The following AP3S2 variants were observed in gnomAD, a reference collection of about 807,000 sequenced individuals.
The protein encoded by AP3S2 is adaptor related protein complex 3 subunit sigma 2.
Under a neutral mutation model 23.4 loss-of-function variants are expected in AP3S2, and 22 were observed. The observed-to-expected ratio is 0.94, with a 90% confidence interval of 0.67 to 1.34. AP3S2 has a LOEUF of 1.34. AP3S2 is among the 40% of genes most tolerant of loss of function. AP3S2 has a pLI of 0.00. For synonymous variants in AP3S2, 86 were observed against 87.1 expected, an observed-to-expected ratio of 0.99 and a Z score of 0.07; for missense variants, 241 against 236.9, an observed-to-expected ratio of 1.02 and a Z score of -0.11.
rs547004075 is a variant in AP3S2 at position 89,869,840 on chromosome 15, G to A, written c.345+1635C>T. Among the ~76,000 whole-genome samples the A allele has an allele frequency of 1.2e-4, 18 of 151,598 alleles. No individual in the cohort carries two copies. The East Asian group carries it at 2.9e-3, about 24-fold the overall frequency. On this transcript the variant is annotated intron_variant, in intron 4 of 5. Transcript: ENST00000336418. ...GCGACCTCGGCTCACTGCAACCTCC[G>A]CCTCCCGGGTTCAAGCGATTCTCCT... is the stretch of plus-strand genomic sequence containing the variant.
At chr15:89,856,890 AAAG>A (rs1895853557) in intron 4 of AP3S2, among the ~76,000 whole-genome samples, 1 of 150,102 alleles carries the variant, frequency 6.7e-6, no homozygotes, top group Admixed American at 6.6e-5. Flanking sequence ...AAAAAAAAGA[AAAG>A]AAAAGAAAAG....
chr15:89,868,293 A>G (rs1596208240), intron 4 of AP3S2, among the ~76,000 whole-genome samples: 1 of 60,478 alleles, frequency 1.7e-5, no homozygotes, highest in Admixed American at 1.4e-4. Context: ...CCTACTGGGA[A>G]GTGAGGAGCC....
intron 5 of AP3S2, among the ~76,000 whole-genome samples, chr15:89,836,255 C>T (rs1895189003): frequency 6.6e-6 from 1 of 152,192 alleles, no homozygotes; most frequent in African/African-American, 2.4e-5. Context: ...GCCCCAGCCT[C>T]TCACAGTACC....
intron 3 of AP3S2, 32 bp from the exon 4 acceptor site, chr15:89,871,578 G>C (rs1488964333): frequency 5.0e-6 from 8 of 1,606,780 alleles, no homozygotes; most frequent in Admixed American, 3.4e-5. Flanking sequence ...ATAAAGAAGA[G>C]AAATAGGAAC....
rs182455242 is a variant in AP3S2, at chr15:89,859,798, C to G, written c.345+11677G>C. On this transcript the variant is annotated intron_variant, in intron 4 of 5. Coordinates refer to ENST00000336418, the MANE Select transcript of AP3S2 (RefSeq NM_005829.5). ...TTTTTTTCTGAGATGGAGTCTCGCT[C>G]TGTCACCCAGGCTGGAGTGCAGTGG... Among the ~76,000 whole-genome samples the G allele has an allele frequency of 8.2e-3, 1,124 of 137,472 alleles. 17 individuals carry two copies. The highest frequency in any genetic ancestry group is 0.029 in the African/African-American group (1,071 of 36,516). 90.2% of individuals were successfully genotyped at this position (137,472 alleles called of 152,430 possible). A position where few individuals can be genotyped will look rare whatever the true frequency, so the allele number is the denominator to read the frequency against.
chr15:89,835,700 C>G, intron 5 of AP3S2, 57 bp from the exon 6 acceptor site: 1 of 783,942 alleles, frequency 1.3e-6, no homozygotes, highest in African/African-American at 3.1e-5. Flanking sequence ...CTGCTTAATG[C>G]TAAAAAAAAA....
chr15:89,843,587 A>C (rs1471000655), intron 4 of AP3S2, among the ~76,000 whole-genome samples: 1 of 152,120 alleles, frequency 6.6e-6, no homozygotes, highest in Non-Finnish European at 1.5e-5. Flanking sequence ...GTGAGCTGAG[A>C]TCGCACCATT....
chr15:89,884,777 G>A (rs1176138003), intron 3 of AP3S2, among the ~76,000 whole-genome samples: 7 of 151,832 alleles, frequency 4.6e-5, no homozygotes, highest in African/African-American at 1.7e-4. Flanking sequence ...CTCCCGTGTA[G>A]CTGGGACTAC....
chr15:89,877,172 T>C, intron 3 of AP3S2: 1 of 471,146 alleles, frequency 2.1e-6, no homozygotes. Context: ...TTTGAAGCAA[T>C]AGGAAGTACT....
intron 1 of AP3S2, among the ~76,000 whole-genome samples, chr15:89,890,047 GT>G (rs1896784988): frequency 6.6e-6 from 1 of 152,104 alleles, no homozygotes; most frequent in South Asian, 2.1e-4. Flanking sequence ...ATTTTGAACA[GT>G]TACAAATAAA....
intron 1 of AP3S2, among the ~76,000 whole-genome samples, chr15:89,892,688 G>A (rs1392047982): frequency 2.7e-5 from 4 of 150,524 alleles, no homozygotes; most frequent in Admixed American, 6.7e-5. Flanking sequence ...GTGTGTGATG[G>A]AGTCTCGCTC....
intron 4 of AP3S2, among the ~76,000 whole-genome samples, chr15:89,850,144 G>A (rs1164822147): frequency 6.6e-6 from 1 of 152,170 alleles, no homozygotes; most frequent in Non-Finnish European, 1.5e-5. Context: ...AAGCAACTTT[G>A]CTTTGTAAAG....
Position 89,830,659 on chromosome 15 carries a change from G to C in AP3S2, c.*4856C>G, listed in dbSNP as rs1374616996. On this transcript the variant is annotated 3_prime_UTR_variant, in exon 6 of 6. Transcript: ENST00000336418. The stretch of plus-strand genomic sequence containing the variant: ...GACCAGGTACCGTGCCCAGCAGCTG[G>C]GATGCAGCACTGAACACGAGACAAG... The C allele has an allele frequency of 6.6e-6, 1 of 152,324 alleles. No homozygotes were observed. The highest frequency in any genetic ancestry group is 6.5e-5 in the Admixed American group (1 of 15,288). 9.4% of individuals were successfully genotyped at this position (152,324 alleles called of 1,614,324 possible).
At chr15:89,877,341 G>C (rs750752993) in intron 3 of AP3S2, 2 of 1,304,760 alleles carry the variant, frequency 1.5e-6, no homozygotes, top group South Asian at 2.4e-5. Flanking sequence ...TTCTTGTTCT[G>C]ATGTCAGGTC....
At chr15:89,851,096 A>G (rs1476944385) in intron 4 of AP3S2, among the ~76,000 whole-genome samples, 1 of 152,228 alleles carries the variant, frequency 6.6e-6, no homozygotes, top group Non-Finnish European at 1.5e-5. Flanking sequence ...GGAAATGAAG[A>G]TAAGATGTGG....
chr15:89,869,956 G>A (rs1896280251), intron 4 of AP3S2, among the ~76,000 whole-genome samples: 1 of 152,112 alleles, frequency 6.6e-6, no homozygotes, highest in South Asian at 2.1e-4. Context: ...GGCCAGGCTG[G>A]TCTTAAACTC....
At position 89,831,125 on chromosome 15, in the gene AP3S2, A is replaced by AT. The variant is rs1312684741; in HGVS notation, c.*4389dup. The AT allele has an allele frequency of 6.6e-6, 1 of 152,278 alleles. No homozygotes were observed. Among genetic ancestry groups the AT allele is most frequent in the Non-Finnish European group, 1.5e-5 (1 of 68,066 alleles). The allele number at this position is 152,278 out of a possible 1,614,324, so 9.4% of individuals were successfully genotyped here. A position where few individuals can be genotyped will look rare whatever the true frequency, so the allele number is the denominator to read the frequency against. On this transcript the variant is annotated 3_prime_UTR_variant, in exon 6 of 6. Coordinates refer to ENST00000336418, the MANE Select transcript of AP3S2 (RefSeq NM_005829.5). ...GAAAGGAAAATTGAAATAGGAAAAA[A>AT]TTTTAAGTCTTTTGGAAAGAATTAA...
chr15:89,878,892 G>A (rs141355324), intron 3 of AP3S2, among the ~76,000 whole-genome samples: 4 of 152,278 alleles, frequency 2.6e-5, no homozygotes, highest in South Asian at 2.1e-4. Flanking sequence ...GATTACAGAC[G>A]TCCCGCACAA....
chr15:89,889,325 C>T (rs959217175), intron 1 of AP3S2, 185 bp from the exon 2 acceptor site: 36 of 633,218 alleles, frequency 5.7e-5, no homozygotes, highest in Non-Finnish European at 1.1e-5. Flanking sequence ...GGTGACAATG[C>T]TCTGATACAG....
Sources: gnomAD v4.1 joint callset for allele counts (sites outside exome capture counted in the v4.1 genomes callset) on GRCh38, gnomAD v4.1.1 for gene constraint, MANE v1.5 for transcripts, NCBI Gene and HGNC (gene_info 2026-07-23, HGNC 2026-07-21) for gene names.